Variants in NEDD1 observed in about 807,000 individuals in gnomAD.
NEDD1 encodes the protein protein NEDD1.
A neutral mutation model predicts 74.0 loss-of-function variants in NEDD1; 33 were observed. The observed-to-expected ratio is 0.45, with a 90% CI of 0.34 to 0.60. The LOEUF is 0.60. NEDD1 is among the 20% of genes least tolerant of loss of function. NEDD1 has a pLI of 0.01. For missense variants in NEDD1, 746 were observed against 776.5 expected (o/e 0.96, Z 0.47); for synonymous variants, 250 against 264.4 (o/e 0.95, Z 0.53).
rs1218256759 is a variant in NEDD1 at position 96,940,390 on chromosome 12, T to G, written c.1118-19T>G. 6.7e-7 allele frequency: 1 copy of G among 1,486,974 alleles called. No individual in the cohort carries two copies. The highest frequency in any genetic ancestry group is 9.2e-7 in the Non-Finnish European group (1 of 1,085,952). 92.1% of individuals were successfully genotyped at this position (1,486,974 alleles called of 1,614,324 possible). A position where few individuals can be genotyped will look rare whatever the true frequency, so the allele number is the denominator to read the frequency against. ...ATTTAGATGTAATAACATTGATTTT[T>G]ATATCTAATTCCTATAAGGTTTGCC... On this transcript the variant is annotated intron_variant, in intron 9 of 15. Transcript: ENST00000266742.
chr12:96,919,110 C>T (rs1874783334), intron 5 of NEDD1, among the ~76,000 whole-genome samples: 4 of 152,270 alleles, frequency 2.6e-5, no homozygotes, highest in Admixed American at 2.6e-4. Context: ...CAATTTTGGT[C>T]ACTTTTCTCT....
intron 6 of NEDD1, among the ~76,000 whole-genome samples, chr12:96,932,524 T>A (rs1252294468): frequency 6.6e-5 from 7 of 106,744 alleles, no homozygotes; most frequent in African/African-American, 2.2e-4. Flanking sequence ...TTTATATATA[T>A]AAATTATATA....
chr12:96,932,442 T>TACAAAAAAAAAAAAAAAA (rs1876580808), intron 6 of NEDD1, among the ~76,000 whole-genome samples: 1 of 10,664 alleles, frequency 9.4e-5, no homozygotes, highest in African/African-American at 6.4e-4. Flanking sequence ...TCCTGTCTCT[T>TACAAAAAAAAAAAAAAAA]AAAAAAAAAA....
At position 96,941,437 on chromosome 12, in the gene NEDD1, A is replaced by G. The variant is rs569552545; in HGVS notation, c.1246+900A>G. Among the ~76,000 whole-genome samples the G allele has an allele frequency of 2.0e-5, 3 of 152,232 alleles. No homozygotes were observed. In the East Asian group the frequency reaches 5.8e-4, roughly 29 times the overall value. On this transcript the variant is annotated intron_variant, in intron 10 of 15. Coordinates refer to ENST00000266742, the MANE Select transcript of NEDD1 (RefSeq NM_152905.4). ...TATCTTCTGCCTTACCCTGGCCTGC[A>G]AATTTCTATTTAAATTGCTAAGTCA...
In NEDD1 at chr12:96,952,759, A is replaced by G. The variant is rs1878822527; in HGVS notation, c.*706A>G. 6.6e-6 allele frequency: 1 copy of G among 151,702 alleles called. No homozygotes were observed. The highest frequency in any genetic ancestry group is 1.5e-5 in the Non-Finnish European group (1 of 67,684). The allele number at this position is 151,702 out of a possible 1,614,324, so 9.4% of individuals were successfully genotyped here. A position where few individuals can be genotyped will look rare whatever the true frequency, so the allele number is the denominator to read the frequency against. The stretch of plus-strand genomic sequence containing the variant: ...AGGTTCATAGGACTCGACAAGAGCT[A>G]TCTGGTGATTTTCTCATTAGTAACA... On this transcript the variant is annotated 3_prime_UTR_variant, in exon 16 of 16. Coordinates refer to ENST00000266742, the MANE Select transcript of NEDD1 (RefSeq NM_152905.4).
intron 14 of NEDD1, among the ~76,000 whole-genome samples, chr12:96,948,227 C>T (rs890154513): frequency 4.6e-5 from 7 of 152,110 alleles, no homozygotes; most frequent in East Asian, 1.9e-4. Context: ...CTCCCTCAGC[C>T]CTCCTGTTAC....
At chr12:96,908,842 A>T in intron 2 of NEDD1, among the ~76,000 whole-genome samples, 1 of 152,118 alleles carries the variant, frequency 6.6e-6, no homozygotes. Flanking sequence ...ATGTTTCAAG[A>T]CTCTGGTGTG....
intron 10 of NEDD1, among the ~76,000 whole-genome samples, chr12:96,942,318 C>G (rs893584197): frequency 1.3e-5 from 2 of 152,108 alleles, no homozygotes; most frequent in Non-Finnish European, 1.5e-5. Flanking sequence ...TACACCAGGG[C>G]TTGTTACACT....
rs754474896 is a variant in NEDD1, at chr12:96,936,773, G to A, written c.882G>A (p.Val294=). The A allele has an allele frequency of 1.9e-6, 3 of 1,611,860 alleles. No homozygotes were observed. In the African/African-American group the frequency reaches 4.0e-5, roughly 22 times the overall value. The part of the protein sequence containing the change: ...VKTISAHKTS[V]QCIAFQYSTV... ...CCATCAGTGCTCACAAGACATCTGT[G>A]CAGTGTATAGCATTTCAGTACTCCA... Residue 294 remains valine, a synonymous_variant, in exon 8 of 16, where the codon GTG becomes GTA. Coordinates refer to ENST00000266742, the MANE Select transcript of NEDD1 (RefSeq NM_152905.4).
intron 6 of NEDD1, among the ~76,000 whole-genome samples, chr12:96,933,246 C>T (rs1465994115): frequency 6.6e-6 from 1 of 152,000 alleles, no homozygotes; most frequent in African/African-American, 2.4e-5. Context: ...CGAGAATCTA[C>T]CAGGTCTGTG....
Position 96,942,598 on chromosome 12 carries a change from G to A in NEDD1, c.1268G>A (p.Ser423Asn), listed in dbSNP as rs780902184. 8 of 1,525,100 alleles carry A rather than the reference G, an allele frequency of 5.2e-6. No individual in the cohort carries two copies. The African/African-American group carries it at 8.2e-5, about 16-fold the overall frequency. The allele number at this position is 1,525,100 out of a possible 1,614,324, so 94.5% of individuals were successfully genotyped here. The part of the protein sequence containing the change: ...IRDDAVVNKG[S>N]DESIGKGDGF... ...ATAGATGCTGTAGTTAACAAGGGAA[G>A]TGATGAGTCCATAGGCAAAGGAGAT... Residue 423 changes from serine to asparagine, a missense_variant, in exon 11 of 16, where the codon AGT becomes AAT. By Grantham distance (46) the Ser-to-Asn change is conservative. This residue lies in a region of NEDD1 where 706 missense variants were observed against 706.7 expected (regional missense o/e 1.00). Transcript: ENST00000266742.
At chr12:96,943,979 T>C (rs1050632785) in intron 12 of NEDD1, among the ~76,000 whole-genome samples, 6 of 152,156 alleles carry the variant, frequency 3.9e-5, no homozygotes, top group African/African-American at 1.4e-4. Context: ...TAAGATGAGA[T>C]ACTTGATATA....
Position 96,940,493 on chromosome 12 carries a change from C to A in NEDD1, c.1202C>A (p.Thr401Asn). 1 of 1,606,026 alleles carries A rather than the reference C, an allele frequency of 6.2e-7. No homozygotes were observed. The highest frequency in any genetic ancestry group is 8.5e-7 in the Non-Finnish European group (1 of 1,173,584). The change falls in exon 10 of 16, where the codon ACT becomes AAT. Residue 401 changes from threonine (T) to asparagine (N), a missense_variant. Transcript: ENST00000266742. Reference protein sequence around the residue: ...KNQDFSSFDDTGKSSLGDMFS... With the variant: ...KNQDFSSFDDNGKSSLGDMFS... ...CAGGATTTCTCCAGCTTTGATGATA[C>A]TGGGAAAAGTAGTTTAGGTGACATG...
chr12:96,951,187 G>C (rs1878672202), intron 14 of NEDD1, among the ~76,000 whole-genome samples: 1 of 151,776 alleles, frequency 6.6e-6, no homozygotes, highest in African/African-American at 2.4e-5. Flanking sequence ...TATTTCTTTT[G>C]TAAAATGGAC....
At position 96,918,556 on chromosome 12, in the gene NEDD1, G is replaced by A. The variant is rs540341290; in HGVS notation, c.348+819G>A. Among the ~76,000 whole-genome samples the A allele has an allele frequency of 2.0e-5, 3 of 152,164 alleles. No homozygotes were observed. In the South Asian group the frequency reaches 6.2e-4, roughly 32 times the overall value. ...TCAGCTTTCTCAATTACTCTGGATG[G>A]TTTTCTGTCTTTTCGGTGTGAAATT... On this transcript the variant is annotated intron_variant, in intron 5 of 15. Coordinates refer to ENST00000266742, the MANE Select transcript of NEDD1 (RefSeq NM_152905.4).
rs1361253947 is a variant in NEDD1 at position 96,931,332 on chromosome 12, A to C, written c.490-3644A>C. Among the ~76,000 whole-genome samples the C allele has an allele frequency of 7.3e-4, 111 of 152,208 alleles. 1 individual carries two copies. The highest frequency in any genetic ancestry group is 2.9e-5 in the Non-Finnish European group (2 of 68,012). On this transcript the variant is annotated intron_variant, in intron 6 of 15. Transcript: ENST00000266742. ...GTTTGATAAATATAAATATATAAAA[A>C]TTTAAAACTTCTGACAAAAAGCAAG...
At chr12:96,938,540 G>A (rs1461392806) in intron 9 of NEDD1, among the ~76,000 whole-genome samples, 1 of 151,942 alleles carries the variant, frequency 6.6e-6, no homozygotes, top group East Asian at 1.9e-4. Flanking sequence ...GTTTAACAAA[G>A]ACAGCATTAA....
intron 14 of NEDD1, among the ~76,000 whole-genome samples, chr12:96,947,219 T>A (rs922400173): frequency 2.0e-5 from 3 of 152,218 alleles, no homozygotes; most frequent in African/African-American, 7.2e-5. Context: ...ATATACGTTT[T>A]TTTCAGGAGT....
intron 6 of NEDD1, among the ~76,000 whole-genome samples, chr12:96,929,130 A>AT (rs989464540): frequency 6.7e-6 from 1 of 149,312 alleles, no homozygotes; most frequent in African/African-American, 2.5e-5. Context: ...GTGGTTTATC[A>AT]TTTTTTCTCA....
Sources: gnomAD v4.1 joint callset for allele counts (sites outside exome capture counted in the v4.1 genomes callset) on GRCh38, gnomAD v4.1.1 for gene constraint, gnomAD v4.1.1 regional missense constraint, MANE v1.5 for transcripts, NCBI Gene and HGNC (gene_info 2026-07-23, HGNC 2026-07-21) for gene names.